The following PDE1A variants were observed in gnomAD, a reference collection of about 807,000 sequenced individuals.
PDE1A encodes the protein dual specificity calcium/calmodulin-dependent 3',5'-cyclic nucleotide phosphodiesterase 1A.
Under a neutral mutation model 61.7 loss-of-function variants are expected in PDE1A, and 35 were observed. The observed-to-expected ratio is 0.57, with a 90% CI of 0.43 to 0.75. The LOEUF (loss-of-function observed/expected upper bound fraction) is 0.75, where lower values mean the gene tolerates loss of function less well. PDE1A is among the 30% of genes least tolerant of loss of function. PDE1A has a pLI of 0.00. For missense variants in PDE1A, 597 were observed against 630.6 expected (o/e 0.95, Z 0.57); for synonymous variants, 232 against 213.2 (o/e 1.09, Z -0.77).
At chr2:182,225,643 A>G (rs10930994) in intron 6 of PDE1A, among the ~76,000 whole-genome samples, 100,621 of 149,046 alleles carry the variant, frequency 0.68, 34,706 homozygotes, top group South Asian at 0.76. Context: ...TGGCATTAGT[A>G]ATCTTTCCCC....
At chr2:182,567,954 G>A in the PDE1A span, among the ~76,000 whole-genome samples, 6 of 151,480 alleles carry the variant, frequency 4.0e-5, no homozygotes, top group East Asian at 1.9e-4. Context: ...CACCACGCCC[G>A]GCTAATTTTT....
chr2:182,243,325 T>C (rs1690701910), intron 2 of PDE1A, among the ~76,000 whole-genome samples: 1 of 152,146 alleles, frequency 6.6e-6, no homozygotes, highest in Admixed American at 6.5e-5. Context: ...GGAAACACTA[T>C]GTTAGATAAG....
intron 1 of PDE1A, among the ~76,000 whole-genome samples, chr2:182,372,874 A>C (rs1040113060): frequency 6.6e-6 from 1 of 152,330 alleles, no homozygotes; most frequent in African/African-American, 2.4e-5. Context: ...TTTCCTGTAC[A>C]GAGGGACAGG....
rs1221665984 is a variant in PDE1A at position 182,427,046 on chromosome 2, C to T, written c.-416G>A. The T allele has an allele frequency of 5.0e-6, 5 of 991,680 alleles. No homozygotes were observed. In the African/African-American group the frequency reaches 6.9e-5, roughly 14 times the overall value. The allele number at this position is 991,680 out of a possible 1,614,324, so 61.4% of individuals were successfully genotyped here. A position where few individuals can be genotyped will look rare whatever the true frequency, so the allele number is the denominator to read the frequency against. ...GGTCAAGCTCCGAAAGGCTAAGTCC[C>T]TCCCTGTCTTTAAAACAGACTGTTC... On this transcript the variant is annotated 5_prime_UTR_variant, in exon 1 of 14. Coordinates refer to ENST00000351439, the Ensembl canonical transcript of PDE1A.
chr2:182,400,758 G>A (rs1429485687), intron 1 of PDE1A, among the ~76,000 whole-genome samples: 2 of 152,200 alleles, frequency 1.3e-5, no homozygotes, highest in Non-Finnish European at 2.9e-5. Context: ...GGCCAAAGCA[G>A]GGTAGGGCAA....
chr2:182,636,827 G>A, the PDE1A span, among the ~76,000 whole-genome samples: 2 of 152,298 alleles, frequency 1.3e-5, no homozygotes, highest in Non-Finnish European at 2.9e-5. Context: ...TGCTGGCTAA[G>A]TTCAGTTTCT....
chr2:182,708,950 G>C, the PDE1A span, among the ~76,000 whole-genome samples: 2 of 151,916 alleles, frequency 1.3e-5, no homozygotes, highest in African/African-American at 4.8e-5. Context: ...TGTAAGTTTT[G>C]GTTATTTTGA....
chr2:182,630,712 A>G, the PDE1A span, among the ~76,000 whole-genome samples: 2 of 152,164 alleles, frequency 1.3e-5, no homozygotes, highest in Non-Finnish European at 2.9e-5. Context: ...CCAAAAATGT[A>G]TTCTAGCTTT....
At chr2:182,596,720 A>G in the PDE1A span, among the ~76,000 whole-genome samples, 1 of 120,302 alleles carries the variant, frequency 8.3e-6, no homozygotes, top group Non-Finnish European at 1.9e-5. Context: ...GATGGATGGG[A>G]AAAATGCAAG....
intron 1 of PDE1A, among the ~76,000 whole-genome samples, chr2:182,293,154 G>A (rs982188013): frequency 5.3e-5 from 8 of 152,058 alleles, no homozygotes; most frequent in Non-Finnish European, 8.8e-5. Context: ...ACAGTCATCA[G>A]TTACCCTCTG....
At chr2:182,582,802 T>C in the PDE1A span, among the ~76,000 whole-genome samples, 1 of 152,210 alleles carries the variant, frequency 6.6e-6, no homozygotes, top group East Asian at 1.9e-4. Flanking sequence ...GGAAAAACAC[T>C]AGTGACCATA....
At chr2:182,243,590 T>C (rs1482211250) in intron 2 of PDE1A, among the ~76,000 whole-genome samples, 2 of 152,194 alleles carry the variant, frequency 1.3e-5, no homozygotes, top group African/African-American at 2.4e-5. Context: ...AAGGATTCTG[T>C]CATATTTGCA....
At chr2:182,574,617 G>T in the PDE1A span, among the ~76,000 whole-genome samples, 1 of 152,170 alleles carries the variant, frequency 6.6e-6, no homozygotes. Context: ...CTTAGTACAA[G>T]CGTATACATG....
chr2:182,147,295 C>T (rs546936283), intron 13 of PDE1A, 143 bp from the exon 14 acceptor site: 41 of 531,370 alleles, frequency 7.7e-5, no homozygotes, highest in African/African-American at 7.0e-4. Flanking sequence ...TTCAAAGACA[C>T]CAAACATCTT....
chr2:182,446,090 T>C (rs1475661142), intron 2 of PDE1A, among the ~76,000 whole-genome samples: 1 of 152,102 alleles, frequency 6.6e-6, no homozygotes, highest in Non-Finnish European at 1.5e-5. Flanking sequence ...TGGCATTGTG[T>C]TTTCACCATC....
chr2:182,186,293 A>G (rs1055795517), intron 12 of PDE1A, among the ~76,000 whole-genome samples, 175 bp downstream of exon 12: 5 of 152,190 alleles, frequency 3.3e-5, no homozygotes, highest in African/African-American at 9.7e-5. Flanking sequence ...TATTTTGTGT[A>G]TTAAACTTCA....
At chr2:182,571,974 C>T in the PDE1A span, among the ~76,000 whole-genome samples, 1 of 152,146 alleles carries the variant, frequency 6.6e-6, no homozygotes, top group Non-Finnish European at 1.5e-5. Flanking sequence ...CATGACAGCC[C>T]ATAGCTTATT....
At chr2:182,354,123 A>T (rs1699044545) in intron 1 of PDE1A, among the ~76,000 whole-genome samples, 1 of 152,142 alleles carries the variant, frequency 6.6e-6, no homozygotes, top group South Asian at 2.1e-4. Flanking sequence ...CCAATCTTCA[A>T]CTGATAATTG....
Position 182,412,446 on chromosome 2 carries a change from C to A in PDE1A, c.53+14132G>T, listed in dbSNP as rs145274522. 6.5e-4 allele frequency among the ~76,000 whole-genome samples: 99 copies of A among 152,284 alleles called. 1 individual carries two copies. The highest frequency in any genetic ancestry group is 1.2e-3 in the Non-Finnish European group (82 of 68,004). ...AAAGTTATTTAAGCTCACTGAAATTCAGTTTCTTTATCCATAATATGGGGA... is the reference window on the plus strand; with the variant it reads ...AAAGTTATTTAAGCTCACTGAAATTAAGTTTCTTTATCCATAATATGGGGA... On this transcript the variant is annotated intron_variant, in intron 1 of 13. Transcript: ENST00000351439.
Sources: allele counts gnomAD v4.1 joint callset (sites outside exome capture counted in the v4.1 genomes callset), GRCh38; gene constraint gnomAD v4.1.1; transcripts MANE v1.5; gene names NCBI Gene and HGNC (gene_info 2026-07-23, HGNC 2026-07-21).